The following CSDC2 variants were observed in gnomAD, a reference collection of about 807,000 sequenced individuals.
CSDC2 encodes cold shock domain containing C2, also known as cold shock domain-containing protein C2.
CSDC2 carries 8 observed loss-of-function variants against 15.8 expected under a neutral mutation model. That is an observed-to-expected ratio of 0.51 (90% CI 0.30 to 0.92). CSDC2 has a LOEUF of 0.92. CSDC2 is among the 40% of genes least tolerant of loss of function. The probability of loss-of-function intolerance (pLI) is 0.07; values close to 1 mark genes in which losing one functional copy is unlikely to be tolerated. For missense variants in CSDC2, 195 were observed against 213.3 expected, an observed-to-expected ratio of 0.91 and a Z score of 0.53; for synonymous variants, 96 against 92.3, an observed-to-expected ratio of 1.04 and a Z score of -0.23.
At chr22:41,572,417 C>T (rs2067151838) in intron 2 of CSDC2, among the ~76,000 whole-genome samples, 2 of 140,514 alleles carry the variant, frequency 1.4e-5, no homozygotes, top group African/African-American at 2.6e-5. Flanking sequence ...TCCATCCATC[C>T]ATCCATCCAT....
rs2145600657 is a variant in CSDC2 at position 41,571,907 on chromosome 22, C to G, written c.-59C>G. 1 of 1,191,680 alleles carries G rather than the reference C, an allele frequency of 8.4e-7. No individual in the cohort carries two copies. The highest frequency in any genetic ancestry group is 2.8e-5 in the South Asian group (1 of 36,058). 73.8% of individuals were successfully genotyped at this position (1,191,680 alleles called of 1,614,324 possible). A position where few individuals can be genotyped will look rare whatever the true frequency, so the allele number is the denominator to read the frequency against. ...GCCGGGCCCTGCCCGCAAGGACGAC[C>G]AAACCCCTCACCGGCCCCTGGGCCC... On this transcript the variant is annotated 5_prime_UTR_variant, in exon 2 of 4. Coordinates refer to ENST00000306149, the MANE Select transcript of CSDC2 (RefSeq NM_014460.4).
intron 1 of CSDC2, among the ~76,000 whole-genome samples, chr22:41,567,754 G>T (rs2067123684): frequency 6.6e-6 from 1 of 152,260 alleles, no homozygotes; most frequent in Non-Finnish European, 1.5e-5. Context: ...ACTTTGATTG[G>T]TGTGTGTCCT....
chr22:41,572,490 G>A lies in CSDC2; in HGVS notation c.176+349G>A, dbSNP rs182749640. 4.0e-3 allele frequency among the ~76,000 whole-genome samples: 571 copies of A among 142,286 alleles called. 7 individuals carry two copies. Among genetic ancestry groups the A allele is most frequent in the Admixed American group, 0.034 (491 of 14,264 alleles). 93.3% of individuals were successfully genotyped at this position (142,286 alleles called of 152,430 possible). A position where few individuals can be genotyped will look rare whatever the true frequency, so the allele number is the denominator to read the frequency against. ...CACCCATCCATCCGTCCATCCATCC[G>A]TCTGTCCGTCCATCCATCCACCCAT... is the stretch of plus-strand genomic sequence containing the variant. On this transcript the variant is annotated intron_variant, in intron 2 of 3. Coordinates refer to ENST00000306149, the MANE Select transcript of CSDC2 (RefSeq NM_014460.4).
chr22:41,573,660 C>A lies in CSDC2; in HGVS notation c.182C>A (p.Ala61Asp). ...TCCCACTACCCTATCTCCAGGACAG[C>A]CCGGGCCTCAGCTGGCCCCGTGTTC... The part of the protein sequence containing the change: ...TKRTRTYSAT[A>D]RASAGPVFKG... The change falls in exon 3 of 4, where the codon GCC (alanine) becomes GAC (aspartate). Residue 61 changes from alanine to aspartate, a missense_variant. By Grantham distance (126) the Ala-to-Asp change is moderately radical. Transcript: ENST00000306149. The A allele has an allele frequency of 6.2e-7, 1 of 1,612,906 alleles. No homozygotes were observed. Among genetic ancestry groups the A allele is most frequent in the Non-Finnish European group, 8.5e-7 (1 of 1,179,334 alleles).
intron 1 of CSDC2, among the ~76,000 whole-genome samples, chr22:41,569,383 C>A (rs2067133456): frequency 6.6e-6 from 1 of 152,312 alleles, no homozygotes; most frequent in East Asian, 1.9e-4. Flanking sequence ...AATTATAGAA[C>A]ATTTCCATTC....
chr22:41,572,907 G>A (rs969008388), intron 2 of CSDC2, among the ~76,000 whole-genome samples: 1 of 152,112 alleles, frequency 6.6e-6, no homozygotes, highest in Non-Finnish European at 1.5e-5. Context: ...ACAGGGTCTC[G>A]CTCTGTTGCC....
chr22:41,570,320 G>A (rs2067139022), intron 1 of CSDC2, among the ~76,000 whole-genome samples: 1 of 152,148 alleles, frequency 6.6e-6, no homozygotes, highest in African/African-American at 2.4e-5. Context: ...TCCACCCCTA[G>A]GCATGGCAGA....
intron 1 of CSDC2, among the ~76,000 whole-genome samples, chr22:41,562,406 CAA>C (rs10642302): frequency 7.6e-5 from 10 of 131,954 alleles, no homozygotes; most frequent in Non-Finnish European, 6.3e-5. Context: ...TCACCCCCTT[CAA>C]AAAAAAAAAA....
At chr22:41,572,782 G>C (rs891103504) in intron 2 of CSDC2, among the ~76,000 whole-genome samples, 1 of 152,212 alleles carries the variant, frequency 6.6e-6, no homozygotes, top group African/African-American at 2.4e-5. Context: ...TTTGGAGAGG[G>C]GTAGGTAGGC....
chr22:41,561,357 C>T (rs571032929), intron 1 of CSDC2, among the ~76,000 whole-genome samples, 174 bp downstream of exon 1: 7 of 152,318 alleles, frequency 4.6e-5, no homozygotes, highest in South Asian at 2.1e-4. Flanking sequence ...ATTCTCTCCC[C>T]GTGACCCCCA....
At chr22:41,571,215 G>A (rs1322428122) in intron 1 of CSDC2, among the ~76,000 whole-genome samples, 3 of 151,912 alleles carry the variant, frequency 2.0e-5, no homozygotes, top group Non-Finnish European at 4.4e-5. Context: ...TCAGCCAGGT[G>A]TGGTGGCAGG....
At chr22:41,564,409 T>C (rs143096365) in intron 1 of CSDC2, among the ~76,000 whole-genome samples, 6,173 of 152,022 alleles carry the variant, frequency 0.041, 169 homozygotes, top group Non-Finnish European at 0.062. Context: ...TACAGGTGCC[T>C]GCCACCACGC....
chr22:41,563,240 A>G (rs1027893804), intron 1 of CSDC2, among the ~76,000 whole-genome samples: 1 of 152,084 alleles, frequency 6.6e-6, no homozygotes, highest in Non-Finnish European at 1.5e-5. Context: ...CTGCAAGAGC[A>G]GTTCAGGCAC....
rs577094014 is a variant in CSDC2 at position 41,574,587 on chromosome 22, G to A, written c.300-146G>A. On this transcript the variant is annotated intron_variant, in intron 3 of 3. Transcript: ENST00000306149. ...GCCATGAGTCCCGTTTTACAGATTC[G>A]AGAGCTGAGGTTCTGAGAAGCAAGG... 553 of 897,388 alleles carry A rather than the reference G, an allele frequency of 6.2e-4. 6 individuals carry two copies. In the South Asian group the frequency reaches 7.3e-3, roughly 12 times the overall value. The allele number at this position is 897,388 out of a possible 1,614,324, so 55.6% of individuals were successfully genotyped here.
intron 2 of CSDC2, among the ~76,000 whole-genome samples, chr22:41,572,765 G>A (rs1399255595): frequency 1.3e-5 from 2 of 152,234 alleles, no homozygotes; most frequent in South Asian, 2.1e-4. Context: ...AAGACACGGA[G>A]TTAACCTTTG....
At chr22:41,564,210 C>A (rs1240963397) in intron 1 of CSDC2, among the ~76,000 whole-genome samples, 1 of 151,996 alleles carries the variant, frequency 6.6e-6, no homozygotes, top group Non-Finnish European at 1.5e-5. Flanking sequence ...ATCAATAGAT[C>A]ACTAGATGGT....
chr22:41,568,536 T>G (rs1235095609), intron 1 of CSDC2, among the ~76,000 whole-genome samples: 3 of 152,222 alleles, frequency 2.0e-5, no homozygotes, highest in Non-Finnish European at 4.4e-5. Flanking sequence ...CCTCCTGCCT[T>G]GGCCTCCCAA....
chr22:41,573,784 C>T lies in CSDC2; in HGVS notation c.299+7C>T. On this transcript the variant is annotated splice_region_variant and intron_variant, in intron 3 of 3. Coordinates refer to ENST00000306149, the MANE Select transcript of CSDC2 (RefSeq NM_014460.4). ...TCTTCGTACATGTGTCTGAGTGAGT[C>T]CCCTCCACCTCCCTGTTCTTGGCCC... 6.2e-7 allele frequency: 1 copy of T among 1,609,672 alleles called. No homozygotes were observed. The highest frequency in any genetic ancestry group is 1.1e-5 in the South Asian group (1 of 90,924).
intron 1 of CSDC2, among the ~76,000 whole-genome samples, chr22:41,562,235 G>A (rs186465325): frequency 6.6e-6 from 1 of 152,150 alleles, no homozygotes; most frequent in East Asian, 1.9e-4. Context: ...CTTTCTGGGG[G>A]ATGGGGAACT....
Sources: gnomAD v4.1 joint callset for allele counts (sites outside exome capture counted in the v4.1 genomes callset) on GRCh38, gnomAD v4.1.1 for gene constraint, MANE v1.5 for transcripts, NCBI Gene and HGNC (gene_info 2026-07-23, HGNC 2026-07-21) for gene names.